The following COBL variants were observed in gnomAD, a reference collection of about 807,000 sequenced individuals.
The protein encoded by COBL is protein cordon-bleu.
In COBL, 51 loss-of-function variants were observed where a neutral mutation model predicts 98.8. The observed-to-expected ratio is 0.52, with a 90% confidence interval of 0.41 to 0.65. The LOEUF (loss-of-function observed/expected upper bound fraction) is 0.65. COBL is among the 30% of genes least tolerant of loss of function. COBL has a pLI of 0.00. For missense variants in COBL, 1,617 were observed against 1,617.5 expected, an observed-to-expected ratio of 1.00 and a Z score of 0.01; for synonymous variants, 634 against 651.7, an observed-to-expected ratio of 0.97 and a Z score of 0.41.
At position 51,171,436 on chromosome 7, in the gene COBL, C is replaced by G. The variant is rs189193474; in HGVS notation, c.783+12666G>C. Among the ~76,000 whole-genome samples, 300 of 152,214 alleles carry G rather than the reference C, an allele frequency of 2.0e-3. 2 individuals carry two copies. The highest frequency in any genetic ancestry group is 6.2e-3 in the African/African-American group (257 of 41,518). ...GAGAACTTTTATCCTTATATACTAT[C>G]TATGTAAAGTGTTTCCTGGGGGCTT... On this transcript the variant is annotated intron_variant, in intron 5 of 12. Transcript: ENST00000265136.
intron 2 of COBL, among the ~76,000 whole-genome samples, chr7:51,211,612 A>G (rs141448247): frequency 2.2e-4 from 34 of 152,310 alleles, no homozygotes; most frequent in African/African-American, 8.2e-4. Flanking sequence ...GTATGTTGCC[A>G]AACACCATCC....
At chr7:51,287,732 C>T (rs913418727) in intron 1 of COBL, among the ~76,000 whole-genome samples, 1 of 151,972 alleles carries the variant, frequency 6.6e-6, no homozygotes, top group South Asian at 2.1e-4. Flanking sequence ...GGAGAAAACC[C>T]AGATGTCCTG....
At chr7:51,127,166 A>G (rs1798291239) in intron 6 of COBL, among the ~76,000 whole-genome samples, 7 of 152,122 alleles carry the variant, frequency 4.6e-5, no homozygotes, top group Admixed American at 4.6e-4. Context: ...GTCTATCACT[A>G]CCTTCTCCAA....
chr7:51,024,978 C>A, intron 12 of COBL, 131 bp downstream of exon 12: 2 of 1,230,244 alleles, frequency 1.6e-6, no homozygotes. Context: ...CACAGTGACG[C>A]CGGCTCTCTC....
At position 51,112,186 on chromosome 7, in the gene COBL, G is replaced by C. The variant is rs552296549; in HGVS notation, c.957+23972C>G. On this transcript the variant is annotated intron_variant, in intron 6 of 12. Transcript: ENST00000265136. ...AGAGGAGAAACTAGAATGCCATGAAGTGGGATTACAAAGTAGATTCTGTAC... is the reference window on the plus strand; with the variant it reads ...AGAGGAGAAACTAGAATGCCATGAACTGGGATTACAAAGTAGATTCTGTAC... Among the ~76,000 whole-genome samples the C allele has an allele frequency of 3.9e-5, 6 of 152,302 alleles. No individual in the cohort carries two copies. The East Asian group carries it at 1.2e-3, about 29-fold the overall frequency.
At chr7:51,088,525 T>C (rs911204161) in intron 6 of COBL, among the ~76,000 whole-genome samples, 2 of 152,228 alleles carry the variant, frequency 1.3e-5, no homozygotes, top group Admixed American at 1.3e-4. Flanking sequence ...CTATGCTTTA[T>C]GCTTTATATC....
intron 8 of COBL, 33 bp downstream of exon 8, chr7:51,043,350 C>T (rs749436028): frequency 3.6e-5 from 57 of 1,597,300 alleles, no homozygotes; most frequent in African/African-American, 2.8e-4. Flanking sequence ...GTGGCTGTGA[C>T]TTCCGTACCC....
intron 1 of COBL, among the ~76,000 whole-genome samples, chr7:51,234,702 G>GAAAAAAAA (rs71021761): frequency 1.8e-5 from 2 of 114,032 alleles, no homozygotes; most frequent in Non-Finnish European, 3.6e-5. Flanking sequence ...CCCTGTTTCA[G>GAAAAAAAA]AAAAAAAAAA....
intron 1 of COBL, among the ~76,000 whole-genome samples, chr7:51,260,572 A>G (rs142190920): frequency 9.5e-4 from 145 of 152,354 alleles, no homozygotes; most frequent in African/African-American, 3.4e-3. Context: ...CGTGGAGCAG[A>G]TGCTCTTTCT....
At chr7:51,143,208 G>A (rs563015589) in intron 5 of COBL, among the ~76,000 whole-genome samples, 2 of 152,154 alleles carry the variant, frequency 1.3e-5, no homozygotes, top group East Asian at 1.9e-4. Context: ...ATCTGCATGC[G>A]TGTGTGTGTG....
intron 1 of COBL, among the ~76,000 whole-genome samples, chr7:51,222,834 C>T (rs999029997): frequency 6.6e-5 from 10 of 152,102 alleles, no homozygotes; most frequent in Admixed American, 2.0e-4. Context: ...TTCATTTAGC[C>T]GGCACCACAA....
chr7:51,114,912 CTTAAA>C (rs570856559), intron 6 of COBL, among the ~76,000 whole-genome samples: 104 of 152,290 alleles, frequency 6.8e-4, no homozygotes, highest in African/African-American at 2.5e-3. Context: ...AAAGCAGGCA[CTTAAA>C]TTATTCAGCT....
intron 1 of COBL, among the ~76,000 whole-genome samples, chr7:51,261,393 A>G (rs1010632194): frequency 1.4e-4 from 22 of 152,330 alleles, no homozygotes; most frequent in African/African-American, 4.8e-4. Context: ...TGTCATATTC[A>G]TGGCTGTGTT....
chr7:51,054,960 C>T (rs1790594027), intron 7 of COBL, among the ~76,000 whole-genome samples: 1 of 152,184 alleles, frequency 6.6e-6, no homozygotes, highest in Non-Finnish European at 1.5e-5. Context: ...GGATCCAAAC[C>T]TTTCTTCCCT....
At chr7:51,060,646 G>T (rs993690335) in intron 7 of COBL, among the ~76,000 whole-genome samples, 2 of 152,178 alleles carry the variant, frequency 1.3e-5, no homozygotes, top group Admixed American at 6.5e-5. Flanking sequence ...AGGTTAAAAA[G>T]GGAGTGGCAC....
chr7:51,062,641 T>C (rs1791499198), intron 7 of COBL, among the ~76,000 whole-genome samples: 1 of 152,214 alleles, frequency 6.6e-6, no homozygotes, highest in African/African-American at 2.4e-5. Flanking sequence ...CATCATTGCA[T>C]GGAAACGTGG....
At chr7:51,187,857 A>G (rs1181547313) in intron 4 of COBL, 3 of 1,196,508 alleles carry the variant, frequency 2.5e-6, no homozygotes, top group Non-Finnish European at 3.1e-6. Flanking sequence ...CTCTGACCCC[A>G]GAGCCATGCA....
At chr7:51,056,229 T>TG (rs905580045) in intron 7 of COBL, among the ~76,000 whole-genome samples, 3 of 89,108 alleles carry the variant, frequency 3.4e-5, no homozygotes, top group Admixed American at 1.1e-4. Context: ...CATGATGAAG[T>TG]GGGGGCATGA....
rs75643863 is a variant in COBL, at chr7:51,131,888, G to C, written c.957+4270C>G. Reference sequence around the variant, plus strand: ...ATTACAGGCATGAGCCACCATGCCCGGTGATTTTTCTTCTTAAACAGAAGC... The same window carrying C: ...ATTACAGGCATGAGCCACCATGCCCCGTGATTTTTCTTCTTAAACAGAAGC... On this transcript the variant is annotated intron_variant, in intron 6 of 12. Coordinates refer to ENST00000265136, the MANE Select transcript of COBL (RefSeq NM_015198.5). Among the ~76,000 whole-genome samples, 727 of 152,144 alleles carry C rather than the reference G, an allele frequency of 4.8e-3. 2 individuals are homozygous for C. Among genetic ancestry groups the C allele is most frequent in the African/African-American group, 0.017 (702 of 41,568 alleles).
Sources: allele counts gnomAD v4.1 joint callset (sites outside exome capture counted in the v4.1 genomes callset), GRCh38; gene constraint gnomAD v4.1.1; transcripts MANE v1.5; gene names NCBI Gene and HGNC (gene_info 2026-07-23, HGNC 2026-07-21).